Variants in CDK14 observed in about 807,000 individuals in gnomAD.
The protein encoded by CDK14 is cyclin-dependent kinase 14.
A neutral mutation model predicts 60.7 loss-of-function variants in CDK14; 34 were observed. That is an observed-to-expected ratio of 0.56 (90% CI 0.43 to 0.75). The LOEUF is 0.75. Ranked by LOEUF, CDK14 falls within the 30% of genes least tolerant of loss-of-function variation. CDK14 has a pLI of 0.00. For synonymous variants in CDK14, 197 were observed against 203.7 expected, an observed-to-expected ratio of 0.97 and a Z score of 0.28; for missense variants, 482 against 564.1, an observed-to-expected ratio of 0.85 and a Z score of 1.47.
chr7:91,082,867 G>A (rs1051770734), intron 12 of CDK14, among the ~76,000 whole-genome samples: 5 of 152,144 alleles, frequency 3.3e-5, no homozygotes, highest in African/African-American at 1.2e-4. Context: ...TAGCTGATGT[G>A]TACCATTAAG....
intron 2 of CDK14, among the ~76,000 whole-genome samples, chr7:90,647,096 C>T (rs1800485957): frequency 6.6e-6 from 1 of 152,018 alleles, no homozygotes; most frequent in African/African-American, 2.4e-5. Context: ...TGAGGCTGAG[C>T]ATATTTTCTT....
chr7:91,082,969 A>G (rs1286846520), intron 12 of CDK14, among the ~76,000 whole-genome samples: 2 of 152,154 alleles, frequency 1.3e-5, no homozygotes, highest in Non-Finnish European at 2.9e-5. Flanking sequence ...TAACATAATA[A>G]TATATTGCAA....
chr7:91,008,150 CAAA>C (rs1197897771), intron 10 of CDK14, among the ~76,000 whole-genome samples: 1 of 89,548 alleles, frequency 1.1e-5, no homozygotes, highest in Admixed American at 1.1e-4. Flanking sequence ...AAAAAACAAA[CAAA>C]AAAAAACAGT....
chr7:90,718,269 A>G (rs919202787), intron 2 of CDK14, among the ~76,000 whole-genome samples: 10 of 152,076 alleles, frequency 6.6e-5, no homozygotes, highest in African/African-American at 1.2e-4. Flanking sequence ...AAGACTGGAG[A>G]CATTAAGAGA....
intron 12 of CDK14, among the ~76,000 whole-genome samples, chr7:91,102,345 A>C (rs1385782015): frequency 6.6e-6 from 1 of 152,194 alleles, no homozygotes; most frequent in Non-Finnish European, 1.5e-5. Flanking sequence ...TCACCATATA[A>C]AATGTAAGTG....
chr7:90,749,540 G>T (rs770166411), intron 4 of CDK14, among the ~76,000 whole-genome samples: 4 of 152,138 alleles, frequency 2.6e-5, no homozygotes, highest in Non-Finnish European at 5.9e-5. Context: ...TCCACACCCA[G>T]GCAGATCTCC....
At chr7:90,998,695 T>A (rs1795754066) in intron 10 of CDK14, among the ~76,000 whole-genome samples, 1 of 152,166 alleles carries the variant, frequency 6.6e-6, no homozygotes, top group Admixed American at 6.5e-5. Context: ...AAGATCGTCC[T>A]GGCTAACACG....
chr7:90,688,118 T>G (rs1801477198), intron 2 of CDK14, among the ~76,000 whole-genome samples: 1 of 152,082 alleles, frequency 6.6e-6, no homozygotes, highest in Non-Finnish European at 1.5e-5. Context: ...AGGGAAGTAT[T>G]AGGGGGGAAG....
intron 9 of CDK14, among the ~76,000 whole-genome samples, chr7:90,972,788 A>G (rs1405781599): frequency 6.6e-6 from 1 of 152,208 alleles, no homozygotes; most frequent in Non-Finnish European, 1.5e-5. Flanking sequence ...TCTGAGTTAT[A>G]AAACTCCATT....
intron 4 of CDK14, among the ~76,000 whole-genome samples, chr7:90,753,813 A>G (rs1339085991): frequency 6.6e-6 from 1 of 152,218 alleles, no homozygotes; most frequent in Admixed American, 6.5e-5. Flanking sequence ...TATAAAATCC[A>G]GCATTATTTC....
At chr7:90,930,853 T>G (rs945335263) in intron 8 of CDK14, among the ~76,000 whole-genome samples, 29 of 152,206 alleles carry the variant, frequency 1.9e-4, no homozygotes, top group Non-Finnish European at 1.0e-4. Flanking sequence ...CATTGATTTG[T>G]GCTTGTAATA....
chr7:90,831,686 G>A (rs1399083075), intron 5 of CDK14, among the ~76,000 whole-genome samples: 1 of 109,188 alleles, frequency 9.2e-6, no homozygotes, highest in Admixed American at 1.1e-4. Context: ...ATTGACACTT[G>A]ACTGTTTTTT....
chr7:90,754,780 T>A (rs1028996039), intron 4 of CDK14, among the ~76,000 whole-genome samples: 2 of 151,906 alleles, frequency 1.3e-5, no homozygotes, highest in Admixed American at 6.6e-5. Flanking sequence ...AATAACCAAA[T>A]AACTCCATAA....
chr7:90,651,295 G>A (rs942347906), intron 2 of CDK14, among the ~76,000 whole-genome samples: 1 of 152,032 alleles, frequency 6.6e-6, no homozygotes, highest in Non-Finnish European at 1.5e-5. Flanking sequence ...CTTTACTATG[G>A]CCCCTAACCA....
chr7:90,820,983 A>G (rs1789525770), intron 5 of CDK14, among the ~76,000 whole-genome samples: 1 of 152,218 alleles, frequency 6.6e-6, no homozygotes, highest in African/African-American at 2.4e-5. Context: ...ACATGTTTGT[A>G]GAGTTTTCAT....
chr7:90,742,249 C>A (rs944164468), intron 3 of CDK14, among the ~76,000 whole-genome samples: 3 of 151,772 alleles, frequency 2.0e-5, no homozygotes, highest in East Asian at 1.9e-4. Flanking sequence ...AAGATTAATT[C>A]TTTAAATTTA....
At chr7:90,995,212 C>G (rs773259195) in intron 10 of CDK14, among the ~76,000 whole-genome samples, 1 of 152,180 alleles carries the variant, frequency 6.6e-6, no homozygotes, top group Non-Finnish European at 1.5e-5. Context: ...CCGGCTCGCT[C>G]TGAGGGAAGC....
chr7:91,022,890 A>G (rs576898101), intron 10 of CDK14, among the ~76,000 whole-genome samples: 1 of 152,174 alleles, frequency 6.6e-6, no homozygotes, highest in African/African-American at 2.4e-5. Context: ...CTAGGAAGCT[A>G]TGTCCTTTTA....
chr7:90,754,766 G>A (rs553846352), intron 4 of CDK14, among the ~76,000 whole-genome samples: 86 of 152,058 alleles, frequency 5.7e-4, no homozygotes, highest in African/African-American at 2.0e-3. Flanking sequence ...ACAATTTAAC[G>A]AGCAATAACC....
Sources: allele counts gnomAD v4.1 joint callset (sites outside exome capture counted in the v4.1 genomes callset), GRCh38; gene constraint gnomAD v4.1.1; transcripts MANE v1.5; gene names NCBI Gene and HGNC (gene_info 2026-07-23, HGNC 2026-07-21).